CADM1: variants seen among roughly 807,000 people sequenced by gnomAD.
CADM1 encodes cell adhesion molecule 1.
Under a neutral mutation model 53.1 loss-of-function variants are expected in CADM1, and 15 were observed. The observed-to-expected ratio is 0.28, with a 90% CI of 0.19 to 0.44. The LOEUF is 0.44. CADM1 is among the 20% of genes least tolerant of loss of function. The pLI, the probability that CADM1 is intolerant of heterozygous loss-of-function variation, is 1.00. For synonymous variants in CADM1, 281 were observed against 243.0 expected (o/e 1.16, Z -1.45); for missense variants, 434 against 611.3 (o/e 0.71, Z 3.06).
intron 6 of CADM1, among the ~76,000 whole-genome samples, chr11:115,216,135 A>C (rs1228667396): frequency 6.6e-6 from 1 of 152,214 alleles, no homozygotes; most frequent in East Asian, 1.9e-4. Context: ...AATCTTCACA[A>C]CATTTAATGG....
intron 1 of CADM1, chr11:115,399,282 TAC>T (rs1358569228): frequency 6.6e-6 from 1 of 152,208 alleles, no homozygotes; most frequent in Admixed American, 6.5e-5. Flanking sequence ...TCTCAGAGAC[TAC>T]ACATACAAAG....
intron 1 of CADM1, among the ~76,000 whole-genome samples, chr11:115,402,724 T>C (rs1463262841): frequency 4.6e-5 from 7 of 152,124 alleles, no homozygotes; most frequent in Middle Eastern, 3.4e-3. Context: ...ACTGATCAGA[T>C]TGGCAAAACT....
rs150422382 is a variant in CADM1 at position 115,402,455 on chromosome 11, G to A, written c.124+101816C>T. ...GAAGAATAGCTTGAACCCGGGAGGC[G>A]GAGGTTGCAGTGAGCCAAGATCATG... On this transcript the variant is annotated intron_variant, in intron 1 of 11. Transcript: ENST00000331581. Among the ~76,000 whole-genome samples the A allele has an allele frequency of 6.2e-3, 945 of 152,234 alleles. 10 individuals are homozygous for A. Among genetic ancestry groups the A allele is most frequent in the African/African-American group, 0.022 (895 of 41,520 alleles).
At position 115,307,113 on chromosome 11, in the gene CADM1, T is replaced by C. The variant is rs529557837; in HGVS notation, c.125-66693A>G. On this transcript the variant is annotated intron_variant, in intron 1 of 11. Coordinates refer to ENST00000331581, the MANE Select transcript of CADM1 (RefSeq NM_001301043.2). Reference sequence around the variant, plus strand: ...AAATGCACATGATATTTATAACATATATTTAAATGCTTTCATTTCTACTTA... The same window carrying C: ...AAATGCACATGATATTTATAACATACATTTAAATGCTTTCATTTCTACTTA... Among the ~76,000 whole-genome samples the C allele has an allele frequency of 9.2e-5, 14 of 152,134 alleles. No homozygotes were observed. The South Asian group carries it at 2.9e-3, about 31-fold the overall frequency.
intron 1 of CADM1, among the ~76,000 whole-genome samples, chr11:115,376,284 C>T (rs540948464): frequency 6.6e-6 from 1 of 152,090 alleles, no homozygotes; most frequent in East Asian, 1.9e-4. Context: ...GCAAACAATA[C>T]CTGCACATTA....
chr11:115,256,877 GA>G (rs1191980866), intron 1 of CADM1: 1 of 456,052 alleles, frequency 2.2e-6, no homozygotes, highest in East Asian at 6.9e-5. Context: ...GCAGATCTCT[GA>G]ACAGTTTTCT....
At chr11:115,373,624 G>C (rs1034292752) in intron 1 of CADM1, among the ~76,000 whole-genome samples, 3 of 125,158 alleles carry the variant, frequency 2.4e-5, no homozygotes, top group African/African-American at 8.5e-5. Context: ...AGAAGAAGAA[G>C]AAAGAATGTG....
At chr11:115,468,238 C>T (rs1218543795) in intron 1 of CADM1, among the ~76,000 whole-genome samples, 1 of 152,018 alleles carries the variant, frequency 6.6e-6, no homozygotes, top group Non-Finnish European at 1.5e-5. Flanking sequence ...AAAATCAAGA[C>T]ACAGAAAATT....
At chr11:115,365,736 A>T (rs890217879) in intron 1 of CADM1, among the ~76,000 whole-genome samples, 3 of 152,178 alleles carry the variant, frequency 2.0e-5, no homozygotes, top group African/African-American at 7.2e-5. Context: ...AGCGCGGCAA[A>T]AAATAAAAAA....
rs142667932 is a variant in CADM1, at chr11:115,355,386, A to G, written c.125-114966T>C. 2.2e-3 allele frequency among the ~76,000 whole-genome samples: 332 copies of G among 152,250 alleles called. 3 individuals carry two copies. The highest frequency in any genetic ancestry group is 4.2e-3 in the Non-Finnish European group (288 of 68,012). ...GAAAAACCAAATACTAATTGTTCTC[A>G]CTCATCAGTAGGAGCAAAGTGATGA... On this transcript the variant is annotated intron_variant, in intron 1 of 11. Transcript: ENST00000331581.
chr11:115,340,658 A>ATATATATATTTTTTTTTTTTTTT, intron 1 of CADM1, among the ~76,000 whole-genome samples: 1 of 34,938 alleles, frequency 2.9e-5, no homozygotes, highest in African/African-American at 1.4e-4. Flanking sequence ...ATATATATAT[A>ATATATATATTTTTTTTTTTTTTT]TTTTTTTTTT....
chr11:115,288,423 C>A (rs565363162), intron 1 of CADM1, among the ~76,000 whole-genome samples: 2 of 151,682 alleles, frequency 1.3e-5, no homozygotes, highest in Admixed American at 6.6e-5. Context: ...CAATCACCTT[C>A]GGGATTTAAA....
intron 1 of CADM1, among the ~76,000 whole-genome samples, chr11:115,308,790 C>A (rs560605757): frequency 1.9e-3 from 274 of 145,294 alleles, no homozygotes; most frequent in African/African-American, 6.3e-3. Context: ...CTCCCTTCAT[C>A]CTTCCTCCCT....
At chr11:115,391,344 C>T (rs1212444386) in intron 1 of CADM1, among the ~76,000 whole-genome samples, 2 of 152,156 alleles carry the variant, frequency 1.3e-5, no homozygotes, top group East Asian at 1.9e-4. Flanking sequence ...ATCAGCAAAA[C>T]GATTACAATG....
intron 1 of CADM1, among the ~76,000 whole-genome samples, chr11:115,495,819 G>C (rs993684175): frequency 1.3e-5 from 2 of 151,818 alleles, no homozygotes; most frequent in African/African-American, 4.8e-5. Flanking sequence ...TTATTTTCTG[G>C]TAACTAGGTA....
intron 10 of CADM1, among the ~76,000 whole-genome samples, chr11:115,181,261 T>A (rs67067611): frequency 6.6e-6 from 1 of 151,942 alleles, no homozygotes; most frequent in Admixed American, 6.6e-5. Context: ...TATATGTATC[T>A]GTGAGATTAA....
intron 8 of CADM1, among the ~76,000 whole-genome samples, chr11:115,201,849 G>C (rs1406681452): frequency 2.0e-5 from 3 of 152,090 alleles, no homozygotes; most frequent in Non-Finnish European, 4.4e-5. Context: ...ATTACAAAGA[G>C]AGCAAATTTA....
chr11:115,340,918 T>C (rs1364420223), intron 1 of CADM1, among the ~76,000 whole-genome samples: 1 of 151,454 alleles, frequency 6.6e-6, no homozygotes, highest in Non-Finnish European at 1.5e-5. Context: ...CCTCCCAAAG[T>C]GCTGGGATTA....
chr11:115,313,493 T>C lies in CADM1; in HGVS notation c.125-73073A>G, dbSNP rs73576125. Among the ~76,000 whole-genome samples the C allele has an allele frequency of 8.2e-3, 1,241 of 152,264 alleles. 16 individuals are homozygous for C. The highest frequency in any genetic ancestry group is 0.026 in the African/African-American group (1,097 of 41,542). On this transcript the variant is annotated intron_variant, in intron 1 of 11. Transcript: ENST00000331581. ...CCTAAAGGGGGGAAATTATCATAGA[T>C]AGTACTAGATATTATTTAAAGTCTA... is the stretch of plus-strand genomic sequence containing the variant.
Sources: gnomAD v4.1 joint callset for allele counts (sites outside exome capture counted in the v4.1 genomes callset) on GRCh38, gnomAD v4.1.1 for gene constraint, MANE v1.5 for transcripts, NCBI Gene and HGNC (gene_info 2026-07-23, HGNC 2026-07-21) for gene names.